The following MYOF variants were observed in gnomAD, a reference collection of about 807,000 sequenced individuals.
MYOF encodes fer-1-like 3, myoferlin.
Under a neutral mutation model 284.2 loss-of-function variants are expected in MYOF, and 244 were observed. The ratio of observed to expected loss-of-function variants is 0.86; its 90% CI spans 0.77 to 0.95. MYOF has a LOEUF of 0.95. Among genes scored for constraint, MYOF ranks in the 40% least tolerant of loss-of-function variants. The probability of loss-of-function intolerance (pLI) is 0.00; values close to 1 mark genes in which losing one functional copy is unlikely to be tolerated. For missense variants in MYOF, 2,496 were observed against 2,560.6 expected (o/e 0.97, Z 0.54); for synonymous variants, 904 against 919.7 (o/e 0.98, Z 0.31).
chr10:93,340,087 G>GA (rs201480540), intron 39 of MYOF, 66 bp downstream of exon 39: 2,123 of 1,374,874 alleles, frequency 1.5e-3, no homozygotes, highest in South Asian at 2.8e-3. Flanking sequence ...CTCAAAAAAA[G>GA]AAAAGAAAAA....
At chr10:93,452,010 G>A in intron 3 of MYOF, 40 bp downstream of exon 3, 1 of 1,359,650 alleles carries the variant, frequency 7.4e-7, no homozygotes, top group Non-Finnish European at 1.0e-6. Flanking sequence ...CAGTGAGATA[G>A]TAATACCTAA....
Position 93,400,073 on chromosome 10 carries a change from GA to G in MYOF, c.1118-579del, listed in dbSNP as rs766499476. Among the ~76,000 whole-genome samples the G allele has an allele frequency of 2.1e-3, 314 of 151,818 alleles. 1 individual carries two copies. The highest frequency in any genetic ancestry group is 7.2e-3 in the African/African-American group (299 of 41,426). On this transcript the variant is annotated intron_variant, in intron 12 of 53. Transcript: ENST00000359263. ...AACAAAAACTTGATCTTTTATGGAG[GA>G]AAAAAAATACAACAAAGTTCATTCA...
intron 43 of MYOF, among the ~76,000 whole-genome samples, chr10:93,332,740 G>T (rs1486743354): frequency 1.3e-5 from 2 of 151,932 alleles, no homozygotes; most frequent in South Asian, 2.1e-4. Flanking sequence ...CCAGCTACTC[G>T]GGAGGCTGAG....
In MYOF at chr10:93,407,423, C is replaced by CAAAAA. The variant is rs144461915; in HGVS notation, c.729+1359_729+1363dup. ...AGCCTTGGCAACAGAGACTCTGTCTCAAAAAAAAAAAAAAAAAAAAAAAAA... is the reference window on the plus strand; with the variant it reads ...AGCCTTGGCAACAGAGACTCTGTCTCAAAAAAAAAAAAAAAAAAAAAAAAAAAAAA... On this transcript the variant is annotated intron_variant, in intron 7 of 53. Transcript: ENST00000359263. Among the ~76,000 whole-genome samples, 18 of 38,100 alleles carry CAAAAA rather than the reference C, an allele frequency of 4.7e-4. 1 individual carries two copies. The highest frequency in any genetic ancestry group is 1.7e-3 in the African/African-American group (17 of 9,916). The allele number at this position is 38,100 out of a possible 152,430, so 25.0% of individuals were successfully genotyped here. A position where few individuals can be genotyped will look rare whatever the true frequency, so the allele number is the denominator to read the frequency against.
At chr10:93,409,518 GA>G (rs1847796411) in intron 6 of MYOF, 54 bp downstream of exon 6, 1 of 1,576,238 alleles carries the variant, frequency 6.3e-7, no homozygotes, top group Non-Finnish European at 8.6e-7. Context: ...GCAATTGCCA[GA>G]AGATGGGCAA....
At chr10:93,333,502 G>A (rs867735483) in intron 42 of MYOF, among the ~76,000 whole-genome samples, 190 bp from the exon 43 acceptor site, 1 of 143,382 alleles carries the variant, frequency 7.0e-6, no homozygotes, top group South Asian at 2.2e-4. Flanking sequence ...TGTGGGTGCA[G>A]GGGTGGTGGC....
chr10:93,418,659 C>T, intron 5 of MYOF, among the ~76,000 whole-genome samples: 1 of 152,240 alleles, frequency 6.6e-6, no homozygotes, highest in East Asian at 1.9e-4. Flanking sequence ...TGCAGCGTTT[C>T]TCAAAGTGAA....
intron 3 of MYOF, among the ~76,000 whole-genome samples, chr10:93,448,103 C>T (rs1229138325): frequency 6.6e-6 from 1 of 152,182 alleles, no homozygotes; most frequent in Non-Finnish European, 1.5e-5. Context: ...CACTGTGCCC[C>T]AGGTTGGCTG....
At chr10:93,335,603 C>G (rs1010660752) in intron 41 of MYOF, among the ~76,000 whole-genome samples, 4 of 133,366 alleles carry the variant, frequency 3.0e-5, no homozygotes, top group African/African-American at 5.5e-5. Context: ...AGCAGGGAGG[C>G]AGGAAGAGAT....
Position 93,351,978 on chromosome 10 carries a change from T to C in MYOF, c.3482-132A>G. ...TCTGACCACCTGCCTGGAGATAGGG[T>C]TTCTAGGGAGCAGGGAGTTCCCCAT... On this transcript the variant is annotated intron_variant, in intron 32 of 53. Coordinates refer to ENST00000359263, the MANE Select transcript of MYOF (RefSeq NM_013451.4). 3 of 829,242 alleles carry C rather than the reference T, an allele frequency of 3.6e-6. No homozygotes were observed. The South Asian group carries it at 6.1e-5, about 17-fold the overall frequency. 51.4% of individuals were successfully genotyped at this position (829,242 alleles called of 1,614,324 possible).
intron 44 of MYOF, 83 bp from the exon 45 acceptor site, chr10:93,328,994 T>C: frequency 2.1e-6 from 3 of 1,414,234 alleles, no homozygotes; most frequent in Non-Finnish European, 2.9e-6. Context: ...TCATGTACTC[T>C]TAGGTGCTCC....
intron 29 of MYOF, 26 bp from the exon 30 acceptor site, chr10:93,356,874 G>A (rs763971849): frequency 8.2e-6 from 13 of 1,587,804 alleles, no homozygotes; most frequent in African/African-American, 1.4e-5. Context: ...ACATGTTAAT[G>A]ATGACGATGA....
intron 38 of MYOF, chr10:93,341,924 C>T (rs1327184691): frequency 7.8e-7 from 1 of 1,289,800 alleles, no homozygotes; most frequent in South Asian, 1.2e-5. Context: ...TGCACTGTCG[C>T]TGGAGAAGCC....
At chr10:93,359,228 A>G (rs1423234980) in intron 29 of MYOF, among the ~76,000 whole-genome samples, 1 of 152,232 alleles carries the variant, frequency 6.6e-6, no homozygotes, top group Non-Finnish European at 1.5e-5. Flanking sequence ...CTCTGTGAGC[A>G]TTATCTATAA....
intron 1 of MYOF, among the ~76,000 whole-genome samples, chr10:93,463,229 T>C (rs956207028): frequency 6.6e-6 from 1 of 152,048 alleles, no homozygotes; most frequent in Non-Finnish European, 1.5e-5. Flanking sequence ...TTTCCTTTGC[T>C]GTTCACCTAC....
intron 5 of MYOF, among the ~76,000 whole-genome samples, chr10:93,412,572 T>C (rs979061665): frequency 6.6e-6 from 1 of 152,156 alleles, no homozygotes; most frequent in Non-Finnish European, 1.5e-5. Context: ...CGCCACACAT[T>C]GTTCTTTCTA....
At chr10:93,408,647 T>C in intron 7 of MYOF, 140 bp downstream of exon 7, 1 of 1,120,046 alleles carries the variant, frequency 8.9e-7, no homozygotes, top group East Asian at 2.4e-5. Flanking sequence ...GACCCTGCCA[T>C]GCGTTCACAT....
intron 5 of MYOF, among the ~76,000 whole-genome samples, chr10:93,414,314 A>C (rs1162834055): frequency 6.6e-6 from 1 of 152,128 alleles, no homozygotes; most frequent in East Asian, 1.9e-4. Context: ...AGGCGGGTGG[A>C]TCACCTGAGG....
At chr10:93,433,905 A>T (rs1198037281) in intron 3 of MYOF, among the ~76,000 whole-genome samples, 1 of 152,182 alleles carries the variant, frequency 6.6e-6, no homozygotes, top group African/African-American at 2.4e-5. Flanking sequence ...TCTGTAACCC[A>T]ACCACATAGG....
Sources: allele counts gnomAD v4.1 joint callset (sites outside exome capture counted in the v4.1 genomes callset), GRCh38; gene constraint gnomAD v4.1.1; transcripts MANE v1.5; gene names NCBI Gene and HGNC (gene_info 2026-07-23, HGNC 2026-07-21).